NT5C2: variants seen among roughly 807,000 people sequenced by gnomAD.
The protein encoded by NT5C2 is 5'-nucleotidase, cytosolic II.
In NT5C2, 58 loss-of-function variants were observed where a neutral mutation model predicts 76.1. That is an observed-to-expected ratio of 0.76 (90% confidence interval 0.62 to 0.95). The LOEUF (loss-of-function observed/expected upper bound fraction) is 0.95. NT5C2 is among the 40% of genes least tolerant of loss of function. The probability of loss-of-function intolerance (pLI) is 0.00; values close to 1 mark genes in which losing one functional copy is unlikely to be tolerated. For synonymous variants in NT5C2, 229 were observed against 237.4 expected, an observed-to-expected ratio of 0.96 and a Z score of 0.32; for missense variants, 478 against 690.3, an observed-to-expected ratio of 0.69 and a Z score of 3.45.
intron 2 of NT5C2, among the ~76,000 whole-genome samples, chr10:103,175,196 G>C (rs1277823966): frequency 6.6e-6 from 1 of 151,972 alleles, no homozygotes; most frequent in African/African-American, 2.4e-5. Flanking sequence ...ATTTCAATCC[G>C]GAAAGATAAC....
chr10:103,145,239 G>T (rs191107956), intron 3 of NT5C2, among the ~76,000 whole-genome samples: 1 of 152,168 alleles, frequency 6.6e-6, no homozygotes, highest in Admixed American at 6.5e-5. Context: ...CTTCAGCACA[G>T]AGGCAGCCTT....
At chr10:103,121,165 CTGTT>C (rs749048520) in intron 4 of NT5C2, among the ~76,000 whole-genome samples, 3 of 152,054 alleles carry the variant, frequency 2.0e-5, no homozygotes, top group Non-Finnish European at 4.4e-5. Flanking sequence ...TATGGAGTTT[CTGTT>C]TGGGATGATG....
rs1430860231 is a variant in NT5C2 at position 103,090,935 on chromosome 10, C to G, written c.1272+1G>C. The stretch of plus-strand genomic sequence containing the variant: ...TTTTCTCCCAAATCCCATTTGGATA[C>G]CTTAATACGTCTCTGGATGGAACTG... On this transcript the variant is annotated splice_donor_variant, in intron 17 of 18. Coordinates refer to ENST00000404739, the MANE Select transcript of NT5C2 (RefSeq NM_001351169.2). LOFTEE classifies it high-confidence loss of function. The G allele has an allele frequency of 3.7e-6, 6 of 1,613,418 alleles. No individual in the cohort carries two copies. The highest frequency in any genetic ancestry group is 4.2e-6 in the Non-Finnish European group (5 of 1,179,450).
In NT5C2 at chr10:103,186,065, C is replaced by T. The variant is rs138052867; in HGVS notation, c.-168-4737G>A. Among the ~76,000 whole-genome samples the T allele has an allele frequency of 1.2e-3, 179 of 152,208 alleles. 1 individual carries two copies. The highest frequency in any genetic ancestry group is 4.0e-3 in the African/African-American group (167 of 41,518). On this transcript the variant is annotated intron_variant, in intron 1 of 18. Coordinates refer to ENST00000404739, the MANE Select transcript of NT5C2 (RefSeq NM_001351169.2). ...GTTAGGTACTATTATCCTCATTTTA[C>T]GAAGAAGTAAACAGGAAAGAGAAGT...
intron 4 of NT5C2, chr10:103,124,872 T>TCAA (rs150582683): frequency 6.8e-6 from 1 of 147,696 alleles, no homozygotes; most frequent in African/African-American, 2.5e-5. Context: ...AATATATAAT[T>TCAA]TAATAATTAA....
At chr10:103,146,420 ATC>A in intron 3 of NT5C2, 3 of 985,416 alleles carry the variant, frequency 3.0e-6, no homozygotes, top group Non-Finnish European at 3.6e-6. Flanking sequence ...CTTCTTGGGC[ATC>A]TGTTTTCCTT....
At chr10:103,185,315 C>A (rs1417848089) in intron 1 of NT5C2, among the ~76,000 whole-genome samples, 1 of 151,556 alleles carries the variant, frequency 6.6e-6, no homozygotes, top group Admixed American at 6.6e-5. Context: ...ATACTTTGCA[C>A]CTTTAGTAAT....
rs761114975 is a variant in NT5C2, at chr10:103,105,815, A to C, written c.294-14T>G. 6.4e-7 allele frequency: 1 copy of C among 1,570,654 alleles called. No homozygotes were observed. Among genetic ancestry groups the C allele is most frequent in the Non-Finnish European group, 8.8e-7 (1 of 1,141,214 alleles). On this transcript the variant is annotated splice_polypyrimidine_tract_variant and intron_variant, in intron 5 of 18. Transcript: ENST00000404739. ...AAGACAAGTCCCCTATGTGAAAATGAAGACATTATTGATAATGCAAAGTAA... is the reference window on the plus strand; with the variant it reads ...AAGACAAGTCCCCTATGTGAAAATGCAGACATTATTGATAATGCAAAGTAA...
intron 4 of NT5C2, among the ~76,000 whole-genome samples, chr10:103,119,841 G>A (rs766927571): frequency 6.6e-6 from 1 of 152,188 alleles, no homozygotes; most frequent in Admixed American, 6.5e-5. Context: ...TCTCATGCCT[G>A]TAATCCCAGC....
At chr10:103,128,114 C>T (rs554385085) in intron 4 of NT5C2, among the ~76,000 whole-genome samples, 1 of 151,194 alleles carries the variant, frequency 6.6e-6, no homozygotes, top group Admixed American at 6.6e-5. Context: ...CACGGTCTCC[C>T]TCTCATGCGG....
chr10:103,129,295 A>G (rs1233513704), intron 4 of NT5C2, among the ~76,000 whole-genome samples: 1 of 77,596 alleles, frequency 1.3e-5, no homozygotes, highest in African/African-American at 5.0e-5. Context: ...TCCGGGAGGG[A>G]GGTGGGGGGG....
chr10:103,106,253 A>T (rs1337240996), intron 5 of NT5C2, among the ~76,000 whole-genome samples: 1 of 152,216 alleles, frequency 6.6e-6, no homozygotes, highest in Non-Finnish European at 1.5e-5. Context: ...CTATCATGTT[A>T]AGTGTATTAG....
At chr10:103,149,409 GA>G (rs1281138155) in intron 3 of NT5C2, among the ~76,000 whole-genome samples, 1 of 152,162 alleles carries the variant, frequency 6.6e-6, no homozygotes, top group Non-Finnish European at 1.5e-5. Flanking sequence ...ATTCTCAAAT[GA>G]AGAAATTGTG....
intron 4 of NT5C2, among the ~76,000 whole-genome samples, chr10:103,129,025 T>TG (rs1449503337): frequency 2.3e-5 from 2 of 87,648 alleles, no homozygotes; most frequent in Non-Finnish European, 4.7e-5. Flanking sequence ...GGGAGGGAGG[T>TG]GGGGGGTCAG....
At chr10:103,158,205 A>T (rs1378069439) in intron 3 of NT5C2, among the ~76,000 whole-genome samples, 1 of 152,156 alleles carries the variant, frequency 6.6e-6, no homozygotes, top group Non-Finnish European at 1.5e-5. Flanking sequence ...GACATAACAA[A>T]ATCATTGGGG....
chr10:103,146,455 T>C (rs2081497924), intron 3 of NT5C2: 1 of 985,226 alleles, frequency 1.0e-6, no homozygotes, highest in Non-Finnish European at 1.2e-6. Flanking sequence ...AATTACACAT[T>C]GAAAATTTGC....
chr10:103,146,567 T>C (rs1384904300), intron 3 of NT5C2: 2 of 388,876 alleles, frequency 5.1e-6, no homozygotes, highest in Non-Finnish European at 7.0e-6. Flanking sequence ...TTTTACTTAA[T>C]AGAAAATGCT....
At chr10:103,095,067 G>A (rs2067862765) in intron 12 of NT5C2, among the ~76,000 whole-genome samples, 1 of 152,160 alleles carries the variant, frequency 6.6e-6, no homozygotes, top group Non-Finnish European at 1.5e-5. Context: ...GCTAAAAGGA[G>A]CTCAAAAGAG....
chr10:103,093,325 G>T lies in NT5C2; in HGVS notation c.989-16C>A. ...TCAGAAGAACCTGAACCAACAGAGT[G>T]AACAATGAGAAAACTGTCCCTATAT... On this transcript the variant is annotated splice_polypyrimidine_tract_variant and intron_variant, in intron 14 of 18. Coordinates refer to ENST00000404739, the MANE Select transcript of NT5C2 (RefSeq NM_001351169.2). 8 of 1,520,466 alleles carry T rather than the reference G, an allele frequency of 5.3e-6. No homozygotes were observed. The highest frequency in any genetic ancestry group is 1.4e-5 in the South Asian group (1 of 73,298). 94.2% of individuals were successfully genotyped at this position (1,520,466 alleles called of 1,614,324 possible). A position where few individuals can be genotyped will look rare whatever the true frequency, so the allele number is the denominator to read the frequency against.
Sources: gnomAD v4.1 joint callset for allele counts (sites outside exome capture counted in the v4.1 genomes callset) on GRCh38, gnomAD v4.1.1 for gene constraint, MANE v1.5 for transcripts, NCBI Gene and HGNC (gene_info 2026-07-23, HGNC 2026-07-21) for gene names.